RAD51C: variants seen among roughly 807,000 people sequenced by gnomAD.
The protein encoded by RAD51C is RAD51 paralog C.
RAD51C carries 42 observed loss-of-function variants against 45.0 expected under a neutral mutation model. That is an observed-to-expected ratio of 0.93 (90% CI 0.73 to 1.21). The LOEUF is 1.21. RAD51C is among the 50% of genes most tolerant of loss of function. RAD51C has a pLI of 0.00. For missense variants in RAD51C, 474 were observed against 452.2 expected (o/e 1.05, Z -0.44); for synonymous variants, 172 against 159.8 (o/e 1.08, Z -0.58).
rs1268900552 is a variant in RAD51C at position 58,727,127 on chromosome 17, C to CT, written c.965+3041dup. ...GAGCCACCGCACCCGGCCTTATAAA[C>CT]TTTTTTTTTTTTTTGAGAGGGAGTT... On this transcript the variant is annotated intron_variant, in intron 7 of 8. Coordinates refer to ENST00000337432, the MANE Select transcript of RAD51C (RefSeq NM_058216.3). Among the ~76,000 whole-genome samples the CT allele has an allele frequency of 6.5e-3, 853 of 131,746 alleles. 5 individuals carry two copies. Among genetic ancestry groups the CT allele is most frequent in the Non-Finnish European group, 9.8e-3 (600 of 60,922 alleles). 86.4% of individuals were successfully genotyped at this position (131,746 alleles called of 152,430 possible).
At chr17:58,720,353 T>A (rs571056230) in intron 5 of RAD51C, among the ~76,000 whole-genome samples, 72 of 151,146 alleles carry the variant, frequency 4.8e-4, no homozygotes, top group Non-Finnish European at 7.8e-4. Context: ...GAGGCAGAGC[T>A]TGCTGTGGGC....
intron 3 of RAD51C, among the ~76,000 whole-genome samples, chr17:58,697,620 ATTATATAGCT>A (rs1220237024): frequency 6.6e-6 from 1 of 150,502 alleles, no homozygotes; most frequent in Non-Finnish European, 1.5e-5. Context: ...GGGGGCTTTG[ATTATATAGCT>A]GATTTCATAA....
At chr17:58,732,420 C>A in intron 7 of RAD51C, 64 bp from the exon 8 acceptor site, 3 of 1,370,402 alleles carry the variant, frequency 2.2e-6, no homozygotes, top group South Asian at 1.2e-5. Context: ...TGAGTTTGGT[C>A]ATCTGAACTT....
chr17:58,720,955 A>G, intron 6 of RAD51C, 143 bp downstream of exon 6: 2 of 682,266 alleles, frequency 2.9e-6, no homozygotes, highest in Non-Finnish European at 5.1e-6. Flanking sequence ...TAAGCACAGT[A>G]CCGTTAGATA....
chr17:58,703,166 A>C (rs1567794043), intron 3 of RAD51C, 30 bp from the exon 4 acceptor site: 2 of 1,606,050 alleles, frequency 1.2e-6, no homozygotes, highest in Non-Finnish European at 1.7e-6. Context: ...CAAACAGGTA[A>C]AACTAATTAA....
intron 8 of RAD51C, chr17:58,732,856 A>G (rs146714776): frequency 3.3e-5 from 11 of 331,556 alleles, no homozygotes; most frequent in Non-Finnish European, 5.7e-5. Flanking sequence ...AAGAAAAAAT[A>G]CTAACATTAC....
chr17:58,695,603 T>C (rs1374818458), intron 2 of RAD51C, among the ~76,000 whole-genome samples: 1 of 151,822 alleles, frequency 6.6e-6, no homozygotes, highest in Non-Finnish European at 1.5e-5. Context: ...CTGGGCAACA[T>C]AGTGAGACCT....
At chr17:58,726,556 A>ATATACATATGTATATATGTG (rs1401928279) in intron 7 of RAD51C, among the ~76,000 whole-genome samples, 2 of 121,196 alleles carry the variant, frequency 1.7e-5, no homozygotes, top group African/African-American at 5.5e-5. Flanking sequence ...GTATAGATGT[A>ATATACATATGTATATATGTG]TATACATATG....
chr17:58,696,309 T>C (rs555613834), intron 2 of RAD51C, among the ~76,000 whole-genome samples: 1 of 152,122 alleles, frequency 6.6e-6, no homozygotes, highest in South Asian at 2.1e-4. Flanking sequence ...GGCGGGTGCT[T>C]GTAGTCCTAG....
At chr17:58,716,655 G>T (rs180715338) in intron 5 of RAD51C, among the ~76,000 whole-genome samples, 5 of 151,444 alleles carry the variant, frequency 3.3e-5, no homozygotes, top group Non-Finnish European at 4.4e-5. Context: ...GTCGAGACAG[G>T]GTTTCACCAT....
chr17:58,715,390 G>A (rs1043496356), intron 5 of RAD51C, among the ~76,000 whole-genome samples: 2 of 149,874 alleles, frequency 1.3e-5, no homozygotes, highest in African/African-American at 4.9e-5. Context: ...GGAGGCGGAG[G>A]TTGCAGCAAG....
rs559955979 is a variant in RAD51C, at chr17:58,694,881, A to T, written c.146-50A>T. 3 of 1,461,010 alleles carry T rather than the reference A, an allele frequency of 2.1e-6. No homozygotes were observed. The South Asian group carries it at 3.4e-5, about 17-fold the overall frequency. 90.5% of individuals were successfully genotyped at this position (1,461,010 alleles called of 1,614,324 possible). On this transcript the variant is annotated intron_variant, in intron 1 of 8. Transcript: ENST00000337432. ...TAAAGACAATCGATTATCATGTTACACTTTTAAATCTCTAAAATTAGGGTT... is the reference window on the plus strand; with the variant it reads ...TAAAGACAATCGATTATCATGTTACTCTTTTAAATCTCTAAAATTAGGGTT...
chr17:58,696,965 T>G, intron 3 of RAD51C, 106 bp downstream of exon 3: 1 of 1,283,260 alleles, frequency 7.8e-7, no homozygotes, highest in Non-Finnish European at 1.1e-6. Flanking sequence ...GAAGCCTAAT[T>G]ACTGGACAGT....
At chr17:58,710,811 C>T (rs2050644647) in intron 5 of RAD51C, among the ~76,000 whole-genome samples, 2 of 151,876 alleles carry the variant, frequency 1.3e-5, no homozygotes, top group South Asian at 2.1e-4. Flanking sequence ...AGTTTTACCT[C>T]ACTCCTCTTT....
At chr17:58,695,917 A>G (rs2047986960) in intron 2 of RAD51C, among the ~76,000 whole-genome samples, 1 of 151,834 alleles carries the variant, frequency 6.6e-6, no homozygotes, top group African/African-American at 2.4e-5. Flanking sequence ...AAATAAAAAA[A>G]TTAGCCAGGC....
chr17:58,732,479 A>G lies in RAD51C; in HGVS notation c.966-5A>G, dbSNP rs1409550252. On this transcript the variant is annotated splice_polypyrimidine_tract_variant and splice_region_variant and intron_variant, in intron 7 of 8. Transcript: ENST00000337432. ...TGTATGTATTTATTCTTTTTCTTTA[A>G]GCAGGTTGGCAACATTGTACAAGTC... 6.2e-7 allele frequency: 1 copy of G among 1,611,408 alleles called. No homozygotes were observed.
intron 3 of RAD51C, among the ~76,000 whole-genome samples, chr17:58,702,001 GTT>G (rs35306750): frequency 6.9e-6 from 1 of 145,460 alleles, no homozygotes; most frequent in Non-Finnish European, 1.5e-5. Flanking sequence ...TTATTTTTTT[GTT>G]TTTTTTTTTG....
In RAD51C at chr17:58,734,428, C is replaced by A; in HGVS notation, c.*206C>A. 1 of 817,536 alleles carries A rather than the reference C, an allele frequency of 1.2e-6. No homozygotes were observed. Among genetic ancestry groups the A allele is most frequent in the Non-Finnish European group, 1.8e-6 (1 of 540,774 alleles). The allele number at this position is 817,536 out of a possible 1,614,324, so 50.6% of individuals were successfully genotyped here. On this transcript the variant is annotated 3_prime_UTR_variant, in exon 9 of 9. Coordinates refer to ENST00000337432, the MANE Select transcript of RAD51C (RefSeq NM_058216.3). ...CTGCAATTATATTTTACCCTGTTTT[C>A]ATTTTCAGTAACATTCAGTAGAGAT...
intron 6 of RAD51C, among the ~76,000 whole-genome samples, chr17:58,722,415 G>A (rs2048948652): frequency 1.3e-5 from 2 of 152,158 alleles, no homozygotes; most frequent in African/African-American, 4.8e-5. Context: ...TGGCTATTGA[G>A]GCATTTAAAA....
Sources: gnomAD v4.1 joint callset for allele counts (sites outside exome capture counted in the v4.1 genomes callset) on GRCh38, gnomAD v4.1.1 for gene constraint, MANE v1.5 for transcripts, NCBI Gene and HGNC (gene_info 2026-07-23, HGNC 2026-07-21) for gene names.